Variants in CAPN14 observed in about 807,000 individuals in gnomAD.
CAPN14 encodes the protein calpain-14.
In CAPN14, 94 loss-of-function variants were observed where a neutral mutation model predicts 101.3. That is an observed-to-expected ratio of 0.93 (90% CI 0.79 to 1.10). CAPN14 has a LOEUF of 1.10. Ranked by LOEUF, CAPN14 falls within the 50% of genes least tolerant of loss-of-function variation. CAPN14 has a pLI of 0.00. For synonymous variants in CAPN14, 338 were observed against 317.9 expected (o/e 1.06, Z -0.67); for missense variants, 837 against 828.4 (o/e 1.01, Z -0.13).
intron 1 of CAPN14, among the ~76,000 whole-genome samples, chr2:31,231,304 A>G (rs1409452861): frequency 6.6e-6 from 1 of 152,182 alleles, no homozygotes; most frequent in African/African-American, 2.4e-5. Context: ...CAATTATTGA[A>G]TTTATCAATC....
In CAPN14 at chr2:31,192,072, G is replaced by A. The variant is rs1278123362; in HGVS notation, c.1141C>T (p.Leu381=). The A allele has an allele frequency of 6.5e-7, 1 of 1,550,312 alleles. No homozygotes were observed. The highest frequency in any genetic ancestry group is 1.4e-5 in the African/African-American group (1 of 73,120). ...QDTFWKNPQF[L]LSVWRPEEGR... Reference sequence around the variant, plus strand: ...TCCTCGGGCCTCCAGACAGACAGCAGGAACTGCGGGTTCTTCCAAAATGTG... The same window carrying A: ...TCCTCGGGCCTCCAGACAGACAGCAAGAACTGCGGGTTCTTCCAAAATGTG... The change falls in exon 11 of 22, where the codon CTG becomes TTG. Residue 381 remains leucine, a synonymous_variant. Coordinates refer to ENST00000403897, the MANE Select transcript of CAPN14 (RefSeq NM_001145122.2).
rs74776555 is a variant in CAPN14 at position 31,231,883 on chromosome 2, C to A, written c.-177+1908G>T. Among the ~76,000 whole-genome samples, 446 of 152,298 alleles carry A rather than the reference C, an allele frequency of 2.9e-3. 1 individual carries two copies. The highest frequency in any genetic ancestry group is 0.01 in the African/African-American group (421 of 41,568). On this transcript the variant is annotated intron_variant and NMD_transcript_variant, in intron 1 of 21. Transcript: ENST00000398824. ...CAGTGTCTGTTCCGGGTGTTTGATT[C>A]TCATGCCTTGTGAGTTGTTAAATAT...
intron 1 of CAPN14, among the ~76,000 whole-genome samples, chr2:31,229,315 T>C (rs948884974): frequency 6.6e-6 from 1 of 152,170 alleles, no homozygotes; most frequent in Non-Finnish European, 1.5e-5. Flanking sequence ...ATGTGTTAAG[T>C]TTTTTAAAAA....
Position 31,199,542 on chromosome 2 carries a change from C to T in CAPN14, c.727-10G>A, listed in dbSNP as rs1681645731. ...TCTCCAGAATCTTCTCCTGCAGAGACAAGAGAGGTCCTGATCAGTCTTCTG... is the reference window on the plus strand; with the variant it reads ...TCTCCAGAATCTTCTCCTGCAGAGATAAGAGAGGTCCTGATCAGTCTTCTG... On this transcript the variant is annotated splice_polypyrimidine_tract_variant and intron_variant, in intron 6 of 21. Transcript: ENST00000403897. The T allele has an allele frequency of 6.4e-7, 1 of 1,550,394 alleles. No homozygotes were observed. Among genetic ancestry groups the T allele is most frequent in the Non-Finnish European group, 8.7e-7 (1 of 1,146,040 alleles).
At chr2:31,214,757 A>T (rs1038135602) in intron 1 of CAPN14, among the ~76,000 whole-genome samples, 4 of 152,166 alleles carry the variant, frequency 2.6e-5, no homozygotes, top group Non-Finnish European at 4.4e-5. Context: ...GTACACCTTG[A>T]GTTGCCACGA....
At chr2:31,231,509 T>C (rs1683190995) in intron 1 of CAPN14, among the ~76,000 whole-genome samples, 1 of 152,256 alleles carries the variant, frequency 6.6e-6, no homozygotes, top group African/African-American at 2.4e-5. Flanking sequence ...CTTTTTTGAA[T>C]ATTATCTTTC....
Position 31,178,597 on chromosome 2 carries a change from G to A in CAPN14, c.1711-18C>T. 6.7e-7 allele frequency: 1 copy of A among 1,493,512 alleles called. No homozygotes were observed. Among genetic ancestry groups the A allele is most frequent in the Non-Finnish European group, 9.0e-7 (1 of 1,116,258 alleles). 92.5% of individuals were successfully genotyped at this position (1,493,512 alleles called of 1,614,324 possible). Reference sequence around the variant, plus strand: ...GCATTAAGCTGATTAATAGGTTAAGGTAAAAGCTTCCAGGGAGAGTTCTAT... The same window carrying A: ...GCATTAAGCTGATTAATAGGTTAAGATAAAAGCTTCCAGGGAGAGTTCTAT... On this transcript the variant is annotated intron_variant, in intron 17 of 21. Coordinates refer to ENST00000403897, the MANE Select transcript of CAPN14 (RefSeq NM_001145122.2).
Position 31,200,471 on chromosome 2 carries a change from C to T in CAPN14, c.706G>A (p.Gly236Ser), listed in dbSNP as rs1225456856. 3 of 1,550,092 alleles carry T rather than the reference C, an allele frequency of 1.9e-6. No homozygotes were observed. The highest frequency in any genetic ancestry group is 2.6e-6 in the Non-Finnish European group (3 of 1,146,802). Residue 236 changes from glycine to serine, a missense_variant, in exon 6 of 22, where the codon GGC (glycine) becomes AGC (serine). By Grantham distance (56) the Gly-to-Ser change is moderately conservative (BLOSUM62 0). Transcript: ENST00000403897. ...IEATYNRTLI[G>S]CQTHSGEKIL... The stretch of plus-strand genomic sequence containing the variant: ...CTCACCCCTGAGTGGGTCTGGCAGC[C>T]AATGAGGGTTCTGTTGTAGGTGGCT...
chr2:31,226,864 T>A (rs1683037148), intron 1 of CAPN14, among the ~76,000 whole-genome samples: 1 of 152,146 alleles, frequency 6.6e-6, no homozygotes, highest in Admixed American at 6.5e-5. Context: ...TCAAGGGATT[T>A]CGGTAAGCTG....
At chr2:31,208,539 C>T (rs777829910) in intron 1 of CAPN14, among the ~76,000 whole-genome samples, 2 of 152,192 alleles carry the variant, frequency 1.3e-5, no homozygotes, top group Admixed American at 6.5e-5. Flanking sequence ...GTTCCTCTCA[C>T]CCTCCAAAGT....
chr2:31,227,305 A>C (rs920994188), intron 1 of CAPN14, among the ~76,000 whole-genome samples: 1 of 152,210 alleles, frequency 6.6e-6, no homozygotes, highest in Non-Finnish European at 1.5e-5. Flanking sequence ...TATGTATGAG[A>C]CAGCCGCATT....
chr2:31,179,060 C>CTTTATA lies in CAPN14; in HGVS notation c.1711-482_1711-481insTATAAA, dbSNP rs777643218. 1.9e-4 allele frequency among the ~76,000 whole-genome samples: 13 copies of CTTTATA among 69,202 alleles called. No homozygotes were observed. In the South Asian group the frequency reaches 2.0e-3, roughly 10 times the overall value. 45.4% of individuals were successfully genotyped at this position (69,202 alleles called of 152,430 possible). On this transcript the variant is annotated intron_variant, in intron 17 of 21. Coordinates refer to ENST00000403897, the MANE Select transcript of CAPN14 (RefSeq NM_001145122.2). ...TCTTCTTAACATCCTTTATTGAGTTCTATATATATATATATATATATATAT... is the reference window on the plus strand; with the variant it reads ...TCTTCTTAACATCCTTTATTGAGTTCTTTATATATATATATATATATATATATATAT...
intron 12 of CAPN14, chr2:31,189,707 T>C (rs1339823822): frequency 7.9e-6 from 5 of 636,066 alleles, no homozygotes; most frequent in Admixed American, 6.3e-5. Context: ...ACACGTGTCA[T>C]TTGATTTGAC....
At chr2:31,229,496 TG>T (rs1683123675) in intron 1 of CAPN14, among the ~76,000 whole-genome samples, 1 of 151,702 alleles carries the variant, frequency 6.6e-6, no homozygotes. Flanking sequence ...GCCAACATGG[TG>T]AAACTCCATC....
chr2:31,215,582 G>C (rs1198790340), intron 1 of CAPN14, among the ~76,000 whole-genome samples: 4 of 152,034 alleles, frequency 2.6e-5, no homozygotes, highest in African/African-American at 9.7e-5. Flanking sequence ...TCAAAGCTCA[G>C]GGCAAATGTC....
rs78343049 is a variant in CAPN14 at position 31,174,879 on chromosome 2, T to A, written c.2029-172A>T. 6.7e-3 allele frequency among the ~76,000 whole-genome samples: 1,024 copies of A among 152,330 alleles called. 15 individuals carry two copies. Among genetic ancestry groups the A allele is most frequent in the African/African-American group, 0.024 (979 of 41,574 alleles). On this transcript the variant is annotated intron_variant, in intron 21 of 21. Transcript: ENST00000403897. Reference sequence around the variant, plus strand: ...AATCAACTTGAAATATAATCAACCTTGACTTCTCACGGTGCCTATGAATGA... The same window carrying A: ...AATCAACTTGAAATATAATCAACCTAGACTTCTCACGGTGCCTATGAATGA...
At chr2:31,187,205 C>A (rs1490309156) in intron 15 of CAPN14, among the ~76,000 whole-genome samples, 1 of 152,288 alleles carries the variant, frequency 6.6e-6, no homozygotes, top group Non-Finnish European at 1.5e-5. Context: ...GAGAGCATGG[C>A]CTCCAGAGCC....
chr2:31,201,158 C>T (rs1051771478), intron 5 of CAPN14, among the ~76,000 whole-genome samples: 24 of 139,626 alleles, frequency 1.7e-4, no homozygotes, highest in Middle Eastern at 3.8e-3. Context: ...TGTGCATGTG[C>T]GTATGTGTGT....
chr2:31,224,743 T>C lies in CAPN14; in HGVS notation c.-53+1785A>G, dbSNP rs552125411. Among the ~76,000 whole-genome samples, 5 of 151,984 alleles carry C rather than the reference T, an allele frequency of 3.3e-5. No individual in the cohort carries two copies. In the South Asian group the frequency reaches 1.0e-3, roughly 32 times the overall value. ...ATTCCTATATATAACAATAACCAGT[T>C]AGAAGGTACCATAATAGAAATATTT... On this transcript the variant is annotated intron_variant and NMD_transcript_variant, in intron 2 of 21. Transcript: ENST00000398824.
Sources: gnomAD v4.1 joint callset for allele counts (sites outside exome capture counted in the v4.1 genomes callset) on GRCh38, gnomAD v4.1.1 for gene constraint, MANE v1.5 for transcripts, NCBI Gene and HGNC (gene_info 2026-07-23, HGNC 2026-07-21) for gene names.